Variants in PLPPR4 observed in about 807,000 individuals in gnomAD.
PLPPR4 encodes phospholipid phosphatase related 4.
A neutral mutation model predicts 56.6 loss-of-function variants in PLPPR4; 24 were observed. That is an observed-to-expected ratio of 0.42 (90% CI 0.31 to 0.60). The LOEUF (loss-of-function observed/expected upper bound fraction) is 0.60, where lower values mean the gene tolerates loss of function less well. PLPPR4 is among the 20% of genes least tolerant of loss of function. PLPPR4 has a pLI of 0.13. For synonymous variants in PLPPR4, 326 were observed against 328.1 expected (o/e 0.99, Z 0.07); for missense variants, 654 against 885.8 (o/e 0.74, Z 3.32).
At position 99,306,410 on chromosome 1, in the gene PLPPR4, T is replaced by C; in HGVS notation, c.1548T>C (p.Thr516=). 6.2e-7 allele frequency: 1 copy of C among 1,614,182 alleles called. No individual in the cohort carries two copies. The highest frequency in any genetic ancestry group is 2.2e-5 in the East Asian group (1 of 44,870). The change falls in exon 7 of 7, where the codon ACT becomes ACC. Residue 516 remains threonine (T), a synonymous_variant. Transcript: ENST00000370185. This position sits in a 1 kb window ranked among gnomAD's most constrained non-coding sequence, Gnocchi z 4.0. ...AGTGGTTAAAAGCTGCTGAAAAGAC[T>C]GTGGCCTGTAACAGAAGCAACAGCC... ...RAKWLKAAEK[T]VACNRSNSQP...
intron 4 of PLPPR4, 88 bp downstream of exon 4, chr1:99,299,318 G>A (rs894876556): frequency 1.1e-6 from 1 of 904,112 alleles, no homozygotes; most frequent in African/African-American, 1.7e-5. Context: ...GCCTCTTTCA[G>A]TCATAATGAT....
chr1:99,301,003 A>G lies in PLPPR4; in HGVS notation c.648+37A>G, dbSNP rs1202636777. ...GTTCTTTTTTGTTAAGTTGTGTTCT[A>G]CAGAAAATCTGAGGAATGAATGTTG... On this transcript the variant is annotated intron_variant, in intron 5 of 6. Transcript: ENST00000370185. 5 of 1,568,240 alleles carry G rather than the reference A, an allele frequency of 3.2e-6. No homozygotes were observed. The African/African-American group carries it at 5.4e-5, about 17-fold the overall frequency.
At chr1:99,293,323 G>A (rs1659668840) in intron 2 of PLPPR4, among the ~76,000 whole-genome samples, 1 of 151,852 alleles carries the variant, frequency 6.6e-6, no homozygotes, top group Non-Finnish European at 1.5e-5. Context: ...ACATGGAAGT[G>A]GAAAAATGTA....
intron 1 of PLPPR4, among the ~76,000 whole-genome samples, chr1:99,267,888 G>A (rs1444541348): frequency 6.6e-6 from 1 of 152,172 alleles, no homozygotes; most frequent in African/African-American, 2.4e-5. Context: ...TACTTAGTAT[G>A]TACTAACAAT....
intron 1 of PLPPR4, among the ~76,000 whole-genome samples, chr1:99,277,672 T>C (rs1374440188): frequency 6.6e-6 from 1 of 152,164 alleles, no homozygotes; most frequent in Non-Finnish European, 1.5e-5. Flanking sequence ...CAATGCATGT[T>C]CTTGCTTCAA....
Position 99,264,599 on chromosome 1 carries a change from G to C in PLPPR4, c.6G>C (p.Ser2=). Residue 2 remains serine, a synonymous_variant, in exon 1 of 7, where the codon TCG becomes TCC. Coordinates refer to ENST00000370185, the MANE Select transcript of PLPPR4 (RefSeq NM_014839.5). ...GACCCGGGCAGGCGGCAGGGATGTCGGCGAAGGAGAGGCCAAAGGGCAAAG... is the reference window on the plus strand; with the variant it reads ...GACCCGGGCAGGCGGCAGGGATGTCCGCGAAGGAGAGGCCAAAGGGCAAAG... M[S]AKERPKGKVI... 6.4e-7 allele frequency: 1 copy of C among 1,550,832 alleles called. No individual in the cohort carries two copies. The highest frequency in any genetic ancestry group is 8.7e-7 in the Non-Finnish European group (1 of 1,147,016).
intron 1 of PLPPR4, among the ~76,000 whole-genome samples, chr1:99,287,513 G>A (rs1659495994): frequency 6.6e-6 from 1 of 152,154 alleles, no homozygotes; most frequent in African/African-American, 2.4e-5. Flanking sequence ...CACCAACAGT[G>A]TAAAAGCGTT....
At chr1:99,282,911 C>T (rs1284832031) in intron 1 of PLPPR4, among the ~76,000 whole-genome samples, 2 of 148,410 alleles carry the variant, frequency 1.3e-5, no homozygotes, top group African/African-American at 2.5e-5. Flanking sequence ...AGTATGTGTT[C>T]TTTCTGATAT....
At chr1:99,297,791 G>A (rs1659780443) in intron 3 of PLPPR4, among the ~76,000 whole-genome samples, 2 of 151,916 alleles carry the variant, frequency 1.3e-5, no homozygotes, top group African/African-American at 4.8e-5. Flanking sequence ...GCAAACTCAG[G>A]CAAGGAAATA....
At chr1:99,280,206 A>G (rs1659286683) in intron 1 of PLPPR4, among the ~76,000 whole-genome samples, 1 of 152,184 alleles carries the variant, frequency 6.6e-6, no homozygotes, top group Admixed American at 6.5e-5. Flanking sequence ...TTCCCAACTT[A>G]GACACCTGGG....
intron 1 of PLPPR4, among the ~76,000 whole-genome samples, chr1:99,271,254 GAA>G (rs1454044395): frequency 3.9e-5 from 6 of 152,176 alleles, no homozygotes; most frequent in African/African-American, 1.2e-4. Context: ...ACCCTACTGA[GAA>G]GGCATTGTTA....
chr1:99,278,102 G>T (rs894670092), intron 1 of PLPPR4, among the ~76,000 whole-genome samples: 3 of 151,904 alleles, frequency 2.0e-5, no homozygotes, highest in African/African-American at 7.2e-5. Flanking sequence ...TTTTTATTTT[G>T]TTATTTCTCA....
intron 1 of PLPPR4, among the ~76,000 whole-genome samples, chr1:99,269,092 C>T (rs777186510): frequency 4.0e-4 from 61 of 152,138 alleles, no homozygotes; most frequent in Admixed American, 2.1e-3. Context: ...CCAACCCCCA[C>T]AGGCCCTGGT....
At position 99,296,881 on chromosome 1, in the gene PLPPR4, A is replaced by G; in HGVS notation, c.394+14A>G. On this transcript the variant is annotated intron_variant, in intron 3 of 6. Coordinates refer to ENST00000370185, the MANE Select transcript of PLPPR4 (RefSeq NM_014839.5). ...TCAGATTCGTTGGTGGGTGTGGGGAACCACAAAGAAAAGAAATGCTTTTTT... is the reference window on the plus strand; with the variant it reads ...TCAGATTCGTTGGTGGGTGTGGGGAGCCACAAAGAAAAGAAATGCTTTTTT... 1 of 1,522,948 alleles carries G rather than the reference A, an allele frequency of 6.6e-7. No homozygotes were observed. Among genetic ancestry groups the G allele is most frequent in the East Asian group, 2.3e-5 (1 of 43,436 alleles). The allele number at this position is 1,522,948 out of a possible 1,614,324, so 94.3% of individuals were successfully genotyped here.
chr1:99,297,962 C>T (rs967488231), intron 3 of PLPPR4, among the ~76,000 whole-genome samples: 11 of 152,076 alleles, frequency 7.2e-5, no homozygotes, highest in Non-Finnish European at 1.6e-4. Context: ...CTAGAAAGTC[C>T]ATTATCCAAA....
At chr1:99,289,141 T>A (rs1033897274) in intron 2 of PLPPR4, among the ~76,000 whole-genome samples, 1 of 152,154 alleles carries the variant, frequency 6.6e-6, no homozygotes, top group Non-Finnish European at 1.5e-5. Flanking sequence ...GGAAATGGTA[T>A]TTACTTCTAC....
In PLPPR4 at chr1:99,306,332, G is replaced by A; in HGVS notation, c.1470G>A (p.Glu490=). The A allele has an allele frequency of 1.2e-6, 2 of 1,614,174 alleles. No individual in the cohort carries two copies. Among genetic ancestry groups the A allele is most frequent in the Non-Finnish European group, 1.7e-6 (2 of 1,180,020 alleles). Residue 490 remains glutamate, a synonymous_variant, in exon 7 of 7, where the codon GAG becomes GAA. Coordinates refer to ENST00000370185, the MANE Select transcript of PLPPR4 (RefSeq NM_014839.5). The surrounding 1 kb of genome is among the most constrained non-coding windows in gnomAD (Gnocchi z 4.0). ...PGSSQLVHIP[E]ETQENISTSP... ...CCTCACAGTTGGTGCACATCCCTGA[G>A]GAGACTCAGGAAAACATAAGCACCT...
At chr1:99,263,761 G>A (rs571319578), upstream of PLPPR4, among the ~76,000 whole-genome samples, 1 of 152,136 alleles carries the variant, frequency 6.6e-6, no homozygotes, top group Admixed American at 6.5e-5. Flanking sequence ...TGTTCTGGGG[G>A]TGTGACAGTG....
At position 99,306,382 on chromosome 1, in the gene PLPPR4, C is replaced by T. The variant is rs1660031235; in HGVS notation, c.1520C>T (p.Ala507Val). 1.2e-6 allele frequency: 2 copies of T among 1,614,154 alleles called. No homozygotes were observed. The highest frequency in any genetic ancestry group is 8.5e-7 in the Non-Finnish European group (1 of 1,180,036). Residue 507 changes from alanine (A) to valine (V), a missense_variant, in exon 7 of 7, where the codon GCC becomes GTC. This residue lies in a region of PLPPR4 where 468 missense variants were observed against 554.3 expected (regional missense o/e 0.84). Transcript: ENST00000370185. The surrounding 1 kb of genome is among the most constrained non-coding windows in gnomAD (Gnocchi z 4.0). ...TCCCCCAAAAGCAGCTCTGCTCGGG[C>T]CAAGTGGTTAAAAGCTGCTGAAAAG... ...STSPKSSSAR[A>V]KWLKAAEKTV... is the part of the protein sequence containing the mutation.
Sources: gnomAD v4.1 joint callset for allele counts (sites outside exome capture counted in the v4.1 genomes callset) on GRCh38, gnomAD v4.1.1 for gene constraint, gnomAD v4.1.1 regional missense constraint, Gnocchi (gnomAD v3.1) non-coding constraint, MANE v1.5 for transcripts, NCBI Gene and HGNC (gene_info 2026-07-23, HGNC 2026-07-21) for gene names.